TMEM266: variants seen among roughly 807,000 people sequenced by gnomAD.
The protein encoded by TMEM266 is transmembrane protein 266.
A neutral mutation model predicts 50.5 loss-of-function variants in TMEM266; 33 were observed. The ratio of observed to expected loss-of-function variants is 0.65; its 90% CI spans 0.50 to 0.87. TMEM266 has a LOEUF of 0.87. Ranked by LOEUF, TMEM266 falls within the 40% of genes least tolerant of loss-of-function variation. TMEM266 has a pLI of 0.00. For missense variants in TMEM266, 655 were observed against 695.1 expected (o/e 0.94, Z 0.65); for synonymous variants, 310 against 292.3 (o/e 1.06, Z -0.62).
At chr15:76,143,515 T>C (rs564460723) in intron 3 of TMEM266, among the ~76,000 whole-genome samples, 1 of 152,328 alleles carries the variant, frequency 6.6e-6, no homozygotes, top group African/African-American at 2.4e-5. Context: ...CTCCTGATTT[T>C]CTTTTTTATT....
In TMEM266 at chr15:76,192,289, T is replaced by C. The variant is rs575444526; in HGVS notation, c.958+132T>C. Reference sequence around the variant, plus strand: ...GTGTGTGCCCCTCCTTCACTCGTGATTGGGGGACACGCTCAGATCAGTAGC... The same window carrying C: ...GTGTGTGCCCCTCCTTCACTCGTGACTGGGGGACACGCTCAGATCAGTAGC... On this transcript the variant is annotated intron_variant, in intron 9 of 10. Coordinates refer to ENST00000388942, the MANE Select transcript of TMEM266 (RefSeq NM_152335.3). 227 of 836,314 alleles carry C rather than the reference T, an allele frequency of 2.7e-4. No homozygotes were observed. In the Middle Eastern group the frequency reaches 9.4e-3, roughly 35 times the overall value. The allele number at this position is 836,314 out of a possible 1,614,324, so 51.8% of individuals were successfully genotyped here.
At chr15:76,200,215 TGTG>T (rs1313440738) in intron 9 of TMEM266, among the ~76,000 whole-genome samples, 1 of 152,128 alleles carries the variant, frequency 6.6e-6, no homozygotes, top group Non-Finnish European at 1.5e-5. Flanking sequence ...GTGTGCAGGC[TGTG>T]GTGGAGACAG....
intron 1 of TMEM266, among the ~76,000 whole-genome samples, chr15:76,098,244 A>G (rs1316298204): frequency 6.6e-6 from 1 of 151,874 alleles, no homozygotes; most frequent in Non-Finnish European, 1.5e-5. Flanking sequence ...GGATTTATCT[A>G]CCTTTGGTCT....
At chr15:76,104,472 T>A (rs1283148531) in intron 1 of TMEM266, among the ~76,000 whole-genome samples, 1 of 152,160 alleles carries the variant, frequency 6.6e-6, no homozygotes, top group Non-Finnish European at 1.5e-5. Context: ...AGCGCTGATA[T>A]GTCTCGAGAT....
At chr15:76,152,181 C>T (rs534059936) in intron 3 of TMEM266, among the ~76,000 whole-genome samples, 3 of 152,294 alleles carry the variant, frequency 2.0e-5, no homozygotes, top group South Asian at 4.1e-4. Context: ...CTTCCACTTC[C>T]GTCGAGTCAC....
In TMEM266 at chr15:76,159,445, C is replaced by T. The variant is rs117388024; in HGVS notation, c.383-650C>T. ...TCACTCCCACTCCAGAACCTGGGGG[C>T]GAGTAGGGCAATGTGGAAGTTTAGC... On this transcript the variant is annotated intron_variant, in intron 4 of 10. Coordinates refer to ENST00000388942, the MANE Select transcript of TMEM266 (RefSeq NM_152335.3). Among the ~76,000 whole-genome samples, 10 of 152,210 alleles carry T rather than the reference C, an allele frequency of 6.6e-5. No individual in the cohort carries two copies. The East Asian group carries it at 7.7e-4, about 12-fold the overall frequency.
rs188192151 is a variant in TMEM266 at position 76,073,441 on chromosome 15, C to T, written c.-97+13425C>T. 3.8e-3 allele frequency among the ~76,000 whole-genome samples: 573 copies of T among 152,220 alleles called. 4 individuals carry two copies. The highest frequency in any genetic ancestry group is 0.013 in the African/African-American group (539 of 41,518). On this transcript the variant is annotated intron_variant, in intron 1 of 10. Coordinates refer to ENST00000388942, the MANE Select transcript of TMEM266 (RefSeq NM_152335.3). ...AGAGACGGGGTTTCACCATGTTGGC[C>T]AGGCTGGTCTCGAACTCCTGGCCTC...
chr15:76,170,299 C>T (rs982033991), intron 6 of TMEM266, among the ~76,000 whole-genome samples: 5 of 152,200 alleles, frequency 3.3e-5, no homozygotes, highest in African/African-American at 4.8e-5. Flanking sequence ...GCCTGGCTGT[C>T]GCTGGCAGTG....
At chr15:76,126,836 AGAATCTTTTTTTTAAAAG>A (rs777080401) in intron 1 of TMEM266, among the ~76,000 whole-genome samples, 2 of 152,196 alleles carry the variant, frequency 1.3e-5, no homozygotes, top group South Asian at 4.1e-4. Context: ...GCCTATATGT[AGAATCTTTTTTTTAAAAG>A]AAAAGTTGAA....
chr15:76,130,231 AAAAAAAAAAAAAAAAAAAAAAAAC>A (rs1365707757), intron 1 of TMEM266, among the ~76,000 whole-genome samples: 4 of 123,430 alleles, frequency 3.2e-5, no homozygotes, highest in Admixed American at 8.5e-5. Flanking sequence ...AAAAAAAAAA[AAAAAAAAAAAAAAAAAAAAAAAAC>A]CGCCGGGTGC....
intron 1 of TMEM266, among the ~76,000 whole-genome samples, chr15:76,071,043 CTT>C (rs974342024): frequency 8.5e-5 from 13 of 152,140 alleles, no homozygotes; most frequent in African/African-American, 3.1e-4. Flanking sequence ...CTTTCAGAGT[CTT>C]TTCCTTAGGC....
intron 1 of TMEM266, among the ~76,000 whole-genome samples, chr15:76,125,116 G>T (rs2037400606): frequency 6.6e-6 from 1 of 152,060 alleles, no homozygotes; most frequent in Admixed American, 6.6e-5. Context: ...TAGAAAAACT[G>T]GGAAAACTGG....
intron 8 of TMEM266, among the ~76,000 whole-genome samples, chr15:76,187,626 T>C (rs561951658): frequency 5.3e-5 from 8 of 152,342 alleles, no homozygotes; most frequent in Non-Finnish European, 7.3e-5. Flanking sequence ...TTGAGTGTTT[T>C]AAGTGCTGGG....
In TMEM266 at chr15:76,161,029, G is replaced by A. The variant is rs868560893; in HGVS notation, c.456+861G>A. On this transcript the variant is annotated intron_variant, in intron 5 of 10. Transcript: ENST00000388942. This position sits in a 1 kb window ranked among gnomAD's most constrained non-coding sequence, Gnocchi z 4.1. Reference sequence around the variant, plus strand: ...TGCAGGCAGGGTTTTATCCTGTCCCGTGCGCACTGGAGGGTCACTGAAGGA... The same window carrying A: ...TGCAGGCAGGGTTTTATCCTGTCCCATGCGCACTGGAGGGTCACTGAAGGA... 1.3e-5 allele frequency among the ~76,000 whole-genome samples: 2 copies of A among 152,152 alleles called. No homozygotes were observed. Among genetic ancestry groups the A allele is most frequent in the South Asian group, 2.1e-4 (1 of 4,820 alleles).
intron 8 of TMEM266, chr15:76,181,528 A>T (rs1380635783): frequency 6.6e-6 from 1 of 152,088 alleles, no homozygotes; most frequent in African/African-American, 2.4e-5. Flanking sequence ...GCAATTCCTC[A>T]ATTCCTTAGG....
intron 1 of TMEM266, among the ~76,000 whole-genome samples, chr15:76,066,993 A>C (rs1394747951): frequency 6.6e-6 from 1 of 152,108 alleles, no homozygotes; most frequent in African/African-American, 2.4e-5. Context: ...CCCCGTCCCC[A>C]GTGGTGACAA....
rs529454665 is a variant in TMEM266, at chr15:76,104,702, G to T, written c.-96-29466G>T. On this transcript the variant is annotated intron_variant, in intron 1 of 10. Transcript: ENST00000388942. Reference sequence around the variant, plus strand: ...CTCGATTTCCCAGGGAAATGAGGAGGTCATCAGCTGAGAGTGTGAACAGAG... The same window carrying T: ...CTCGATTTCCCAGGGAAATGAGGAGTTCATCAGCTGAGAGTGTGAACAGAG... Among the ~76,000 whole-genome samples the T allele has an allele frequency of 2.0e-5, 3 of 152,322 alleles. No individual in the cohort carries two copies. In the South Asian group the frequency reaches 6.2e-4, roughly 32 times the overall value.
intron 1 of TMEM266, chr15:76,109,040 A>G (rs1488311066): frequency 6.6e-6 from 1 of 152,196 alleles, no homozygotes; most frequent in Non-Finnish European, 1.5e-5. Context: ...GAGAGGCCAC[A>G]TGAGCTGTGG....
intron 1 of TMEM266, among the ~76,000 whole-genome samples, chr15:76,130,510 A>G (rs1158840187): frequency 1.3e-5 from 2 of 152,280 alleles, no homozygotes; most frequent in Admixed American, 1.3e-4. Flanking sequence ...AGCGCACTCC[A>G]GCCTGGGTGA....
Sources: allele counts gnomAD v4.1 joint callset (sites outside exome capture counted in the v4.1 genomes callset), GRCh38; gene constraint gnomAD v4.1.1; non-coding constraint Gnocchi (gnomAD v3.1); transcripts MANE v1.5; gene names NCBI Gene and HGNC (gene_info 2026-07-23, HGNC 2026-07-21).